Variants in FBXO28 observed in about 807,000 individuals in gnomAD.
The protein encoded by FBXO28 is F-box protein 28.
A neutral mutation model predicts 38.1 loss-of-function variants in FBXO28; 8 were observed. The observed-to-expected ratio is 0.21, with a 90% CI of 0.12 to 0.38. The LOEUF is 0.38. Ranked by LOEUF, FBXO28 falls within the 10% of genes least tolerant of loss-of-function variation. FBXO28 has a pLI of 1.00. For missense variants in FBXO28, 345 were observed against 460.6 expected (o/e 0.75, Z 2.30); for synonymous variants, 168 against 173.8 (o/e 0.97, Z 0.26).
At chr1:224,135,611 C>CAAAAAAAAAAA (rs71168313) in intron 3 of FBXO28, among the ~76,000 whole-genome samples, 3 of 110,764 alleles carry the variant, frequency 2.7e-5, no homozygotes, top group African/African-American at 1.1e-4. Context: ...GACTCTGTCT[C>CAAAAAAAAAAA]AAAAAAAAAA....
intron 1 of FBXO28, among the ~76,000 whole-genome samples, chr1:224,127,209 T>TG (rs773023722): frequency 9.3e-5 from 14 of 150,078 alleles, no homozygotes; most frequent in South Asian, 2.1e-4. Context: ...TGTGTGTGTG[T>TG]TTATGTTTGG....
chr1:224,114,236 C>T lies in FBXO28; in HGVS notation c.107C>T (p.Pro36Leu). ...SGSTQRQPPP[P>L]APQHPQPGSQ... Reference sequence around the variant, plus strand: ...TCTACCCAGCGACAGCCTCCACCGCCCGCGCCACAGCACCCGCAGCCGGGG... The same window carrying T: ...TCTACCCAGCGACAGCCTCCACCGCTCGCGCCACAGCACCCGCAGCCGGGG... Residue 36 changes from proline (P) to leucine (L), a missense_variant, in exon 1 of 5, where the codon CCC (proline) becomes CTC (leucine). This residue lies in a region of FBXO28 where 104 missense variants were observed against 82.0 expected (regional missense o/e 1.27). Coordinates refer to ENST00000366862, the MANE Select transcript of FBXO28 (RefSeq NM_015176.4). 6.4e-7 allele frequency: 1 copy of T among 1,551,840 alleles called. No individual in the cohort carries two copies. Among genetic ancestry groups the T allele is most frequent in the Non-Finnish European group, 8.7e-7 (1 of 1,147,906 alleles).
At chr1:224,136,125 A>G (rs1337011926) in intron 3 of FBXO28, among the ~76,000 whole-genome samples, 6 of 1,214 alleles carry the variant, frequency 4.9e-3, no homozygotes, top group Admixed American at 4.7e-3. Context: ...TTTTTTTGAG[A>G]TGGTGTCGTG....
rs187349874 is a variant in FBXO28 at position 224,124,756 on chromosome 1, C to T, written c.268-5716C>T. The stretch of plus-strand genomic sequence containing the variant: ...TTGTTTCGTTTTTGAGATGGAGTCT[C>T]GCTCTGTCACCCAGGCTGGATGGAG... On this transcript the variant is annotated intron_variant, in intron 1 of 4. Transcript: ENST00000366862. Among the ~76,000 whole-genome samples, 435 of 152,224 alleles carry T rather than the reference C, an allele frequency of 2.9e-3. 4 individuals carry two copies. The Middle Eastern group carries it at 0.044, about 15-fold the overall frequency.
chr1:224,154,842 G>A (rs1264339386), intron 4 of FBXO28, among the ~76,000 whole-genome samples: 16 of 150,618 alleles, frequency 1.1e-4, no homozygotes, highest in African/African-American at 3.9e-4. Context: ...GCCAAGCGTG[G>A]TGACGCATGT....
At chr1:224,150,195 G>A (rs556968700) in intron 3 of FBXO28, among the ~76,000 whole-genome samples, 2 of 152,048 alleles carry the variant, frequency 1.3e-5, no homozygotes, top group East Asian at 3.9e-4. Flanking sequence ...TTGGTGGTGG[G>A]TGCCTGTAAT....
At chr1:224,138,145 TTGAACC>T (rs1657240289) in intron 3 of FBXO28, among the ~76,000 whole-genome samples, 1 of 151,564 alleles carries the variant, frequency 6.6e-6, no homozygotes, top group Admixed American at 6.6e-5. Context: ...GGAGAATCAC[TTGAACC>T]TGGGAGGCAG....
In FBXO28 at chr1:224,130,466, T is replaced by G. The variant is rs561200497; in HGVS notation, c.268-6T>G. The G allele has an allele frequency of 4.0e-5, 64 of 1,605,338 alleles. No individual in the cohort carries two copies. The East Asian group carries it at 1.3e-3, about 34-fold the overall frequency. On this transcript the variant is annotated splice_region_variant and splice_polypyrimidine_tract_variant and intron_variant, in intron 1 of 4. Coordinates refer to ENST00000366862, the MANE Select transcript of FBXO28 (RefSeq NM_015176.4). ...TATTGATTTTTGTTCTTTTTTCTCC[T>G]TGAAGGTTTGTAAAAGAATGGACTT...
At chr1:224,120,135 A>G (rs1656738937) in intron 1 of FBXO28, among the ~76,000 whole-genome samples, 1 of 152,230 alleles carries the variant, frequency 6.6e-6, no homozygotes, top group Non-Finnish European at 1.5e-5. Context: ...TAAAAGGATG[A>G]CCTGTGCATA....
chr1:224,119,699 G>A (rs1369959153), intron 1 of FBXO28, among the ~76,000 whole-genome samples: 1 of 152,008 alleles, frequency 6.6e-6, no homozygotes, highest in Non-Finnish European at 1.5e-5. Context: ...AGGTTGATTA[G>A]GACTTAATCA....
intron 1 of FBXO28, among the ~76,000 whole-genome samples, chr1:224,117,545 G>A (rs1656671746): frequency 6.6e-6 from 1 of 152,100 alleles, no homozygotes; most frequent in Non-Finnish European, 1.5e-5. Flanking sequence ...CTCCTCCAAT[G>A]TAAAATTATT....
chr1:224,152,041 T>TA (rs11417373), intron 3 of FBXO28, among the ~76,000 whole-genome samples: 39,966 of 141,736 alleles, frequency 0.28, 5,500 homozygotes, highest in Non-Finnish European at 0.32. Context: ...GACTCCATCT[T>TA]AAAAAAAAAA....
At chr1:224,151,511 A>G (rs781774269) in intron 3 of FBXO28, among the ~76,000 whole-genome samples, 3 of 152,190 alleles carry the variant, frequency 2.0e-5, no homozygotes, top group Non-Finnish European at 4.4e-5. Flanking sequence ...TTGTCCTGAT[A>G]CGATTCTGCA....
intron 2 of FBXO28, among the ~76,000 whole-genome samples, chr1:224,132,644 A>G (rs990414307): frequency 6.6e-6 from 1 of 152,084 alleles, no homozygotes; most frequent in Non-Finnish European, 1.5e-5. Flanking sequence ...AGTCTCTACT[A>G]AAATAGGAAA....
At chr1:224,118,758 C>T (rs965609988) in intron 1 of FBXO28, among the ~76,000 whole-genome samples, 5 of 152,198 alleles carry the variant, frequency 3.3e-5, no homozygotes, top group African/African-American at 4.8e-5. Context: ...GTATCTCTCA[C>T]TCTGCACAAG....
At chr1:224,132,730 G>T (rs1657081727) in intron 2 of FBXO28, among the ~76,000 whole-genome samples, 1 of 151,662 alleles carries the variant, frequency 6.6e-6, no homozygotes, top group Non-Finnish European at 1.5e-5. Flanking sequence ...GCTTGAACCT[G>T]GGAGACGGAG....
Position 224,157,808 on chromosome 1 carries a change from A to G in FBXO28, c.*62A>G, listed in dbSNP as rs1210623588. ...CTTAGTAGCTTAAGCAGTTATGCAT[A>G]TCAGGATACTGTGAGCAACATGGTG... On this transcript the variant is annotated 3_prime_UTR_variant, in exon 5 of 5. Transcript: ENST00000366862. 4 of 1,524,182 alleles carry G rather than the reference A, an allele frequency of 2.6e-6. No individual in the cohort carries two copies. Among genetic ancestry groups the G allele is most frequent in the Non-Finnish European group, 3.5e-6 (4 of 1,141,460 alleles). 94.4% of individuals were successfully genotyped at this position (1,524,182 alleles called of 1,614,324 possible).
Position 224,161,797 on chromosome 1 carries a change from G to C in FBXO28, c.*4051G>C, listed in dbSNP as rs543499241. 9.8e-5 allele frequency: 15 copies of C among 152,306 alleles called. No homozygotes were observed. The highest frequency in any genetic ancestry group is 4.1e-4 in the South Asian group (2 of 4,822). 9.4% of individuals were successfully genotyped at this position (152,306 alleles called of 1,614,324 possible). On this transcript the variant is annotated 3_prime_UTR_variant, in exon 5 of 5. Transcript: ENST00000366862. Reference sequence around the variant, plus strand: ...CTGAAGAGAACCATGACATTTAGAAGTATATTGGTAATCTATTAGGTCCAT... The same window carrying C: ...CTGAAGAGAACCATGACATTTAGAACTATATTGGTAATCTATTAGGTCCAT...
At chr1:224,130,775 C>T in intron 2 of FBXO28, 194 bp downstream of exon 2, 1 of 459,830 alleles carries the variant, frequency 2.2e-6, no homozygotes, top group Non-Finnish European at 3.9e-6. Context: ...AGGTTCTAGC[C>T]AGAGAAATTA....
Sources: gnomAD v4.1 joint callset for allele counts (sites outside exome capture counted in the v4.1 genomes callset) on GRCh38, gnomAD v4.1.1 for gene constraint, gnomAD v4.1.1 regional missense constraint, MANE v1.5 for transcripts, NCBI Gene and HGNC (gene_info 2026-07-23, HGNC 2026-07-21) for gene names.